Variants in AP2A2 observed in about 807,000 individuals in gnomAD.
AP2A2 encodes the protein adaptor related protein complex 2 subunit alpha 2.
In AP2A2, 32 loss-of-function variants were observed where a neutral mutation model predicts 104.2. The ratio of observed to expected loss-of-function variants is 0.31; its 90% CI spans 0.23 to 0.41. The LOEUF (loss-of-function observed/expected upper bound fraction) is 0.41. Among genes scored for constraint, AP2A2 ranks in the 10% least tolerant of loss-of-function variants. The pLI, the probability that AP2A2 is intolerant of heterozygous loss-of-function variation, is 1.00. For synonymous variants in AP2A2, 539 were observed against 533.3 expected (o/e 1.01, Z -0.15); for missense variants, 912 against 1,261.0 (o/e 0.72, Z 4.19).
Position 1,010,534 on chromosome 11 carries a change from GCT to G in AP2A2, c.2743-9_2743-8del, listed in dbSNP as rs758151430. The G allele has an allele frequency of 6.3e-6, 10 of 1,578,404 alleles. No homozygotes were observed. The highest frequency in any genetic ancestry group is 3.5e-5 in the South Asian group (3 of 85,756). ...CTCGGCGTGCCCGTTGACCTGCTGTGCTCTCTGTTTCAGATGTACCGGCTCAC... is the reference window on the plus strand; with the variant it reads ...CTCGGCGTGCCCGTTGACCTGCTGTGCTCTGTTTCAGATGTACCGGCTCAC... On this transcript the variant is annotated splice_polypyrimidine_tract_variant and intron_variant, in intron 21 of 21. Transcript: ENST00000448903.
rs1237193276 is a variant in AP2A2 at position 985,593 on chromosome 11, T to C, written c.962+11T>C. 6.2e-7 allele frequency: 1 copy of C among 1,613,754 alleles called. No homozygotes were observed. Among genetic ancestry groups the C allele is most frequent in the Non-Finnish European group, 8.5e-7 (1 of 1,179,878 alleles). On this transcript the variant is annotated intron_variant, in intron 8 of 21. Transcript: ENST00000448903. ...CATTCACCATGACAGGTGTGTCGGC[T>C]GCCTGTGGAGAGGCTTCGTCTCGCG...
intron 3 of AP2A2, 44 bp from the exon 4 acceptor site, chr11:972,018 T>TG: frequency 6.4e-7 from 1 of 1,556,742 alleles, no homozygotes. Context: ...CAGGTGGACT[T>TG]GGATTGTCAT....
At chr11:973,217 G>A (rs962715020) in intron 4 of AP2A2, among the ~76,000 whole-genome samples, 1 of 152,192 alleles carries the variant, frequency 6.6e-6, no homozygotes, top group Non-Finnish European at 1.5e-5. Context: ...GGCCTAGACC[G>A]GCGTCTCAAC....
chr11:998,638 T>C (rs960842008), intron 14 of AP2A2, among the ~76,000 whole-genome samples: 1 of 152,150 alleles, frequency 6.6e-6, no homozygotes, highest in African/African-American at 2.4e-5. Context: ...CCAATATCCT[T>C]GTGATAGTCA....
At position 977,128 on chromosome 11, in the gene AP2A2, C is replaced by G. The variant is rs760394119; in HGVS notation, c.507C>G (p.Ala169=). The part of the protein sequence containing the change: ...DTMDSVKQSA[A]LCLLRLYRTS... ...TGGACAGCGTGAAGCAGAGCGCGGC[C>G]CTGTGCTTGCTGCGCCTGTACAGGA... Residue 169 remains alanine, a synonymous_variant, in exon 5 of 22, where the codon GCC becomes GCG. Transcript: ENST00000448903. 1 of 1,613,666 alleles carries G rather than the reference C, an allele frequency of 6.2e-7. No homozygotes were observed. Among genetic ancestry groups the G allele is most frequent in the African/African-American group, 1.3e-5 (1 of 74,910 alleles).
At chr11:935,254 T>A (rs1187285684) in intron 1 of AP2A2, among the ~76,000 whole-genome samples, 2 of 152,134 alleles carry the variant, frequency 1.3e-5, no homozygotes, top group Non-Finnish European at 2.9e-5. Flanking sequence ...AGACGGACTT[T>A]CACCATGTTG....
intron 18 of AP2A2, 145 bp downstream of exon 18, chr11:1,008,280 T>G: frequency 2.4e-6 from 3 of 1,228,444 alleles, no homozygotes; most frequent in Non-Finnish European, 3.3e-6. Context: ...GCCTGAGCTA[T>G]TGCTGCCCCC....
chr11:951,010 T>C (rs1219621937), intron 1 of AP2A2, among the ~76,000 whole-genome samples: 1 of 151,780 alleles, frequency 6.6e-6, no homozygotes, highest in Non-Finnish European at 1.5e-5. Flanking sequence ...AAGAATCACT[T>C]GAACCTGGGA....
In AP2A2 at chr11:992,184, G is replaced by A. The variant is rs1486152012; in HGVS notation, c.1270-319G>A. ...GCTGCCACCGGGAGCCTAGGGTGAT[G>A]AGGTCAGAGGAGTGCTGCCGCCAGG... On this transcript the variant is annotated intron_variant, in intron 10 of 21. Coordinates refer to ENST00000448903, the MANE Select transcript of AP2A2 (RefSeq NM_012305.4). The surrounding 1 kb of genome is among the most constrained non-coding windows in gnomAD (Gnocchi z 6.4). 6.6e-6 allele frequency among the ~76,000 whole-genome samples: 1 copy of A among 152,134 alleles called. No homozygotes were observed. The highest frequency in any genetic ancestry group is 2.4e-5 in the African/African-American group (1 of 41,412).
intron 16 of AP2A2, among the ~76,000 whole-genome samples, chr11:1,005,613 C>T (rs1288694048): frequency 6.6e-6 from 1 of 152,228 alleles, no homozygotes; most frequent in African/African-American, 2.4e-5. Flanking sequence ...TCAGCGCCTG[C>T]CTTGAGCCTC....
intron 9 of AP2A2, 97 bp downstream of exon 9, chr11:987,050 C>A: frequency 3.6e-6 from 5 of 1,381,146 alleles, no homozygotes; most frequent in Non-Finnish European, 3.9e-6. Context: ...TGACTCCCCG[C>A]AGAGATGGAG....
intron 1 of AP2A2, among the ~76,000 whole-genome samples, chr11:935,809 T>C (rs2134464050): frequency 6.6e-6 from 1 of 151,510 alleles, no homozygotes; most frequent in African/African-American, 2.4e-5. Flanking sequence ...TTGGCCAGGC[T>C]GGTCTTGAAC....
chr11:927,544 G>A (rs1193616387), intron 1 of AP2A2, among the ~76,000 whole-genome samples: 3 of 151,244 alleles, frequency 2.0e-5, no homozygotes, highest in Admixed American at 2.0e-4. Context: ...AGCTGGGTGC[G>A]GTGGCTCAAA....
chr11:950,231 C>T (rs1298507036), intron 1 of AP2A2, among the ~76,000 whole-genome samples: 1 of 151,160 alleles, frequency 6.6e-6, no homozygotes. Context: ...CTCCATGGAT[C>T]ATAAACCCAA....
At chr11:952,638 C>T (rs1369268932) in intron 1 of AP2A2, among the ~76,000 whole-genome samples, 1 of 152,164 alleles carries the variant, frequency 6.6e-6, no homozygotes, top group Admixed American at 6.6e-5. Flanking sequence ...TGACTGTGGC[C>T]AGCGTCTCTT....
At chr11:982,862 G>T (rs1409725570) in intron 6 of AP2A2, among the ~76,000 whole-genome samples, 1 of 151,660 alleles carries the variant, frequency 6.6e-6, no homozygotes, top group Non-Finnish European at 1.5e-5. Flanking sequence ...TGTTGGTCAG[G>T]CTGGTCTCGA....
At chr11:931,775 C>T (rs147286476) in intron 1 of AP2A2, among the ~76,000 whole-genome samples, 81 of 150,346 alleles carry the variant, frequency 5.4e-4, no homozygotes, top group Non-Finnish European at 1.1e-3. Context: ...TTGTGGTTGG[C>T]ATAAAACTTG....
chr11:1,002,807 T>C (rs992331955), intron 15 of AP2A2, among the ~76,000 whole-genome samples: 2 of 152,230 alleles, frequency 1.3e-5, no homozygotes, highest in African/African-American at 2.4e-5. Flanking sequence ...ATCGCCGCCA[T>C]GTCAGCACAG....
chr11:963,818 G>A (rs539617270), intron 2 of AP2A2, among the ~76,000 whole-genome samples: 78 of 152,342 alleles, frequency 5.1e-4, no homozygotes, highest in African/African-American at 1.8e-3. Context: ...TAGAGATGGG[G>A]TCTTGCCATG....
Sources: gnomAD v4.1 joint callset for allele counts (sites outside exome capture counted in the v4.1 genomes callset) on GRCh38, gnomAD v4.1.1 for gene constraint, Gnocchi (gnomAD v3.1) non-coding constraint, MANE v1.5 for transcripts, NCBI Gene and HGNC (gene_info 2026-07-23, HGNC 2026-07-21) for gene names.